OR2C1: variants seen among roughly 807,000 people sequenced by gnomAD.
OR2C1 encodes olfactory receptor family 2 subfamily C member 1.
For synonymous variants in OR2C1, 209 were observed against 167.3 expected, an observed-to-expected ratio of 1.25 and a Z score of -1.92; for missense variants, 468 against 388.3, an observed-to-expected ratio of 1.21 and a Z score of -1.73.
At chr16:3,351,577 T>C (rs2030574992), upstream of OR2C1, among the ~76,000 whole-genome samples, 1 of 152,208 alleles carries the variant, frequency 6.6e-6, no homozygotes, top group African/African-American at 2.4e-5. Flanking sequence ...ACCTATGTCC[T>C]CCTTCTCCCT....
the OR2C1 span, among the ~76,000 whole-genome samples, chr16:3,347,352 A>G: frequency 6.6e-6 from 1 of 151,326 alleles, no homozygotes; most frequent in Non-Finnish European, 1.5e-5. Context: ...CTAGGATTGC[A>G]CCACTGCACT....
the OR2C1 span, among the ~76,000 whole-genome samples, chr16:3,350,827 C>T: frequency 2.0e-5 from 3 of 151,496 alleles, no homozygotes; most frequent in African/African-American, 7.3e-5. Context: ...AGCCCTTTTG[C>T]ATGCACAACT....
chr16:3,347,868 ACACACGCACATG>A, the OR2C1 span, among the ~76,000 whole-genome samples: 17 of 6,492 alleles, frequency 2.6e-3, no homozygotes, highest in South Asian at 0.011. Flanking sequence ...ACGCGCACAC[ACACACGCACATG>A]CACACATGCA....
the OR2C1 span, among the ~76,000 whole-genome samples, chr16:3,346,837 G>C: frequency 1.3e-5 from 2 of 151,078 alleles, no homozygotes; most frequent in Admixed American, 1.3e-4. Context: ...TCATCATGTT[G>C]GCCAGGCTAG....
chr16:3,349,857 G>A, the OR2C1 span, among the ~76,000 whole-genome samples: 12 of 151,338 alleles, frequency 7.9e-5, no homozygotes, highest in African/African-American at 2.9e-4. Context: ...AGCCAAGATC[G>A]TGCCACTGCA....
At chr16:3,338,250 C>T in the OR2C1 span, among the ~76,000 whole-genome samples, 76 of 152,244 alleles carry the variant, frequency 5.0e-4, no homozygotes, top group Admixed American at 3.7e-3. Flanking sequence ...TTCCACTTAC[C>T]CTCTTTGACT....
chr16:3,332,740 C>CAT, the OR2C1 span, among the ~76,000 whole-genome samples: 1 of 92,286 alleles, frequency 1.1e-5, no homozygotes, highest in African/African-American at 4.0e-5. Flanking sequence ...TATGTATGCA[C>CAT]ATATACATAC....
rs1424274925 is a variant in OR2C1, at chr16:3,356,374, C to G, written c.434C>G (p.Ala145Gly). Residue 145 changes from alanine (A) to glycine (G), a missense_variant, in exon 1 of 1, where the codon GCT becomes GGT. Transcript: ENST00000304936. ...IMNPQLCWLL[A>G]VIACLGGLGN... ...AACCCCCAGCTCTGCTGGCTGCTGGCTGTGATTGCCTGCCTGGGTGGCTTG... is the reference window on the plus strand; with the variant it reads ...AACCCCCAGCTCTGCTGGCTGCTGGGTGTGATTGCCTGCCTGGGTGGCTTG... 8.7e-6 allele frequency: 14 copies of G among 1,613,748 alleles called. No individual in the cohort carries two copies. The highest frequency in any genetic ancestry group is 3.3e-5 in the South Asian group (3 of 91,078).
chr16:3,341,632 T>A, the OR2C1 span, among the ~76,000 whole-genome samples: 3 of 152,160 alleles, frequency 2.0e-5, no homozygotes, highest in East Asian at 5.8e-4. Context: ...TAGTTTATTG[T>A]AAAAGATATT....
the OR2C1 span, among the ~76,000 whole-genome samples, chr16:3,337,388 C>T: frequency 1.3e-5 from 2 of 151,450 alleles, no homozygotes; most frequent in African/African-American, 2.4e-5. Context: ...GGGCTGGTCT[C>T]GAACTCCTGA....
chr16:3,325,040 G>C, the OR2C1 span, among the ~76,000 whole-genome samples: 1 of 152,108 alleles, frequency 6.6e-6, no homozygotes, highest in Non-Finnish European at 1.5e-5. Flanking sequence ...GGAGTGCAAT[G>C]GCATGATCTC....
At chr16:3,325,144 G>A in the OR2C1 span, among the ~76,000 whole-genome samples, 3 of 151,974 alleles carry the variant, frequency 2.0e-5, no homozygotes, top group East Asian at 1.9e-4. Flanking sequence ...ACCAGGCCCA[G>A]CTAATTTTTT....
At chr16:3,325,274 G>A in the OR2C1 span, among the ~76,000 whole-genome samples, 1 of 151,834 alleles carries the variant, frequency 6.6e-6, no homozygotes, top group South Asian at 2.1e-4. Context: ...GAGCCACTGT[G>A]CCCAGCCTAT....
chr16:3,330,138 G>T, the OR2C1 span, among the ~76,000 whole-genome samples: 3 of 148,180 alleles, frequency 2.0e-5, no homozygotes, highest in African/African-American at 7.5e-5. Context: ...ATGGTGTCTC[G>T]CTCTGTTGCC....
At chr16:3,323,883 T>C in the OR2C1 span, 2 of 1,346,714 alleles carry the variant, frequency 1.5e-6, no homozygotes, top group Non-Finnish European at 2.1e-6. Flanking sequence ...TTCAGGAGAT[T>C]TTCTGGAACC....
chr16:3,337,670 C>T, the OR2C1 span, among the ~76,000 whole-genome samples: 2 of 151,838 alleles, frequency 1.3e-5, no homozygotes, highest in Non-Finnish European at 2.9e-5. Context: ...TCTTGATGAC[C>T]ATTGAGTTTC....
upstream of OR2C1, among the ~76,000 whole-genome samples, chr16:3,353,540 CT>C (rs1317374883): frequency 2.7e-5 from 4 of 147,252 alleles, no homozygotes; most frequent in South Asian, 4.3e-4. Flanking sequence ...GTAGCTCATG[CT>C]TGTAATCCCA....
chr16:3,356,064 A>G lies in OR2C1; in HGVS notation c.124A>G (p.Asn42Asp), dbSNP rs372767733. 5.6e-6 allele frequency: 9 copies of G among 1,613,884 alleles called. No homozygotes were observed. The African/African-American group carries it at 1.2e-4, about 22-fold the overall frequency. ...CTCCTATTTGCTGACCCTACTTGGG[A>G]ACTCAACCATCATCTTGCTTTCCCG... The part of the protein sequence containing the change: ...LFSYLLTLLG[N>D]STIILLSRLE... Residue 42 changes from asparagine (N) to aspartate (D), a missense_variant, in exon 1 of 1, where the codon AAC (asparagine) becomes GAC (aspartate). Coordinates refer to ENST00000304936, the MANE Select transcript of OR2C1 (RefSeq NM_012368.3).
At chr16:3,332,379 C>T in the OR2C1 span, among the ~76,000 whole-genome samples, 6 of 152,062 alleles carry the variant, frequency 3.9e-5, no homozygotes, top group African/African-American at 1.4e-4. Flanking sequence ...TACAGACGTT[C>T]TTCTAGCTAT....
Sources: allele counts gnomAD v4.1 joint callset (sites outside exome capture counted in the v4.1 genomes callset), GRCh38; gene constraint gnomAD v4.1.1; transcripts MANE v1.5; gene names NCBI Gene and HGNC (gene_info 2026-07-23, HGNC 2026-07-21).